The following PTPN4 variants were observed in gnomAD, a reference collection of about 807,000 sequenced individuals.
The protein encoded by PTPN4 is tyrosine-protein phosphatase non-receptor type 4.
Under a neutral mutation model 135.5 loss-of-function variants are expected in PTPN4, and 49 were observed. The observed-to-expected ratio is 0.36, with a 90% CI of 0.29 to 0.46. The LOEUF (loss-of-function observed/expected upper bound fraction) is 0.46, where lower values mean the gene tolerates loss of function less well. Ranked by LOEUF, PTPN4 falls within the 20% of genes least tolerant of loss-of-function variation. The pLI is 1.00. For synonymous variants in PTPN4, 333 were observed against 369.9 expected (o/e 0.90, Z 1.14); for missense variants, 860 against 1,101.0 (o/e 0.78, Z 3.10).
At chr2:119,936,274 T>A (rs972865472) in intron 15 of PTPN4, among the ~76,000 whole-genome samples, 23 of 152,158 alleles carry the variant, frequency 1.5e-4, no homozygotes, top group African/African-American at 5.6e-4. Flanking sequence ...AGTGCTGGGA[T>A]TCCAGGCGTG....
At chr2:119,857,269 G>A (rs929304220) in intron 2 of PTPN4, among the ~76,000 whole-genome samples, 1 of 152,098 alleles carries the variant, frequency 6.6e-6, no homozygotes, top group South Asian at 2.1e-4. Context: ...GGTGGCTCAT[G>A]CCTGTAATCC....
chr2:119,943,580 C>CTTTTTTTTTTTTTTTT (rs70949374), intron 15 of PTPN4, among the ~76,000 whole-genome samples: 31 of 79,918 alleles, frequency 3.9e-4, no homozygotes, highest in Admixed American at 5.8e-4. Context: ...TCATTTTTTT[C>CTTTTTTTTTTTTTTTT]TTTTTTTTTT....
intron 1 of PTPN4, among the ~76,000 whole-genome samples, chr2:119,761,102 C>G (rs769325814): frequency 6.6e-6 from 1 of 152,178 alleles, no homozygotes; most frequent in Non-Finnish European, 1.5e-5. Context: ...TGTTATGCAT[C>G]TGCAATATGC....
chr2:119,930,233 T>A (rs1678885308), intron 13 of PTPN4, among the ~76,000 whole-genome samples: 1 of 152,080 alleles, frequency 6.6e-6, no homozygotes, highest in Non-Finnish European at 1.5e-5. Context: ...GAAATCTGAG[T>A]CAATGTATCT....
At chr2:119,768,620 G>A (rs956686694) in intron 1 of PTPN4, among the ~76,000 whole-genome samples, 1 of 152,050 alleles carries the variant, frequency 6.6e-6, no homozygotes, top group East Asian at 1.9e-4. Flanking sequence ...TGATAAATTG[G>A]TTCCTATTAT....
chr2:119,863,966 G>C (rs1677795674), intron 3 of PTPN4, among the ~76,000 whole-genome samples: 2 of 152,120 alleles, frequency 1.3e-5, no homozygotes. Context: ...AAAAGGGTCA[G>C]AATGTAGTTT....
At chr2:119,880,463 T>C (rs2105000889) in intron 5 of PTPN4, among the ~76,000 whole-genome samples, 1 of 152,072 alleles carries the variant, frequency 6.6e-6, no homozygotes, top group South Asian at 2.1e-4. Context: ...AGAGTCTCAC[T>C]CTGTCGCCTA....
At chr2:119,926,427 A>G (rs1678825758) in intron 12 of PTPN4, among the ~76,000 whole-genome samples, 171 bp from the exon 13 acceptor site, 1 of 152,222 alleles carries the variant, frequency 6.6e-6, no homozygotes, top group Admixed American at 6.5e-5. Flanking sequence ...ACTAAGCTTC[A>G]TTCATCCAGG....
intron 9 of PTPN4, among the ~76,000 whole-genome samples, chr2:119,892,511 A>C (rs1678254941): frequency 6.6e-6 from 1 of 152,202 alleles, no homozygotes; most frequent in Admixed American, 6.5e-5. Flanking sequence ...GGAAGGTCTC[A>C]CTGAGAAGGT....
chr2:119,860,901 C>T (rs747592916), intron 2 of PTPN4, among the ~76,000 whole-genome samples: 3 of 151,890 alleles, frequency 2.0e-5, no homozygotes, highest in East Asian at 1.9e-4. Context: ...ATTAGCTGGG[C>T]GTGGTGGCAT....
At chr2:119,870,695 ATGATGGTATTCAAGATAGGTAT>A (rs1207868221) in intron 3 of PTPN4, among the ~76,000 whole-genome samples, 1 of 152,218 alleles carries the variant, frequency 6.6e-6, no homozygotes, top group Non-Finnish European at 1.5e-5. Flanking sequence ...GTTTATTATA[ATGATGGTATTCAAGATAGGTAT>A]TGGAACAATT....
chr2:119,838,455 G>C (rs1457123472), intron 2 of PTPN4, among the ~76,000 whole-genome samples: 1 of 152,156 alleles, frequency 6.6e-6, no homozygotes, highest in African/African-American at 2.4e-5. Context: ...ACCTTCCAAA[G>C]TATTTTCCCC....
At chr2:119,886,822 A>G (rs528013249) in intron 9 of PTPN4, among the ~76,000 whole-genome samples, 1 of 152,314 alleles carries the variant, frequency 6.6e-6, no homozygotes, top group Non-Finnish European at 1.5e-5. Flanking sequence ...GAGGAACATT[A>G]GTTCTTATGT....
chr2:119,974,201 G>GTTGTT (rs757417431), intron 26 of PTPN4, among the ~76,000 whole-genome samples: 60 of 152,052 alleles, frequency 3.9e-4, no homozygotes, highest in South Asian at 8.3e-4. Context: ...AGTTTTTGTT[G>GTTGTT]TTGTTTTGTT....
chr2:119,925,611 A>G (rs1678813053), intron 12 of PTPN4, among the ~76,000 whole-genome samples: 1 of 152,198 alleles, frequency 6.6e-6, no homozygotes, highest in Non-Finnish European at 1.5e-5. Context: ...ATGAAGTAAA[A>G]ATGTTAACTG....
chr2:119,965,721 C>T, intron 25 of PTPN4, 76 bp downstream of exon 25: 1 of 1,483,622 alleles, frequency 6.7e-7, no homozygotes, highest in Non-Finnish European at 9.1e-7. Flanking sequence ...CATATTTTGT[C>T]CTTATGGTGT....
chr2:119,912,091 T>C (rs1678579232), intron 10 of PTPN4, among the ~76,000 whole-genome samples: 1 of 152,214 alleles, frequency 6.6e-6, no homozygotes, highest in Non-Finnish European at 1.5e-5. Flanking sequence ...AATGGAATGC[T>C]CCTCAGCAAA....
chr2:119,826,981 T>C (rs1677155797), intron 2 of PTPN4, among the ~76,000 whole-genome samples: 1 of 152,234 alleles, frequency 6.6e-6, no homozygotes, highest in African/African-American at 2.4e-5. Flanking sequence ...TGAACTGTGA[T>C]TGTGTCCCTG....
chr2:119,925,053 C>T (rs66532914), intron 12 of PTPN4, among the ~76,000 whole-genome samples: 40,088 of 151,914 alleles, frequency 0.26, 5,362 homozygotes, highest in South Asian at 0.33. Flanking sequence ...GCTCTGTTTC[C>T]CTGACTGAAC....
Sources: allele counts gnomAD v4.1 joint callset (sites outside exome capture counted in the v4.1 genomes callset), GRCh38; gene constraint gnomAD v4.1.1; transcripts MANE v1.5; gene names NCBI Gene and HGNC (gene_info 2026-07-23, HGNC 2026-07-21).